The following DMD variants were observed in gnomAD, a reference collection of about 807,000 sequenced individuals.
DMD encodes the protein mutant dystrophin.
A neutral mutation model predicts 330.1 loss-of-function variants in DMD; 63 were observed. The ratio of observed to expected loss-of-function variants is 0.19; its 90% CI spans 0.16 to 0.24. The LOEUF (loss-of-function observed/expected upper bound fraction) is 0.24, where lower values mean the gene tolerates loss of function less well. Among genes scored for constraint, DMD ranks in the 10% least tolerant of loss-of-function variants. DMD has a pLI of 1.00. For missense variants in DMD, 3,344 were observed against 2,684.1 expected (o/e 1.25, Z -5.43); for synonymous variants, 1,223 against 959.8 (o/e 1.27, Z -5.07).
At chrX:32,682,660 T>C (rs1445894572) in intron 9 of DMD, among the ~76,000 whole-genome samples, 2 of 112,212 alleles carry the variant, frequency 1.8e-5, no homozygotes, top group African/African-American at 6.5e-5. Flanking sequence ...ATTTTGTCCT[T>C]AGATGTTTCT....
chrX:32,083,192 T>C (rs773204221), intron 44 of DMD, among the ~76,000 whole-genome samples: 1 of 112,240 alleles, frequency 8.9e-6, no homozygotes, highest in South Asian at 3.7e-4. Context: ...ACATAGTCCA[T>C]GGAGGCTTCC....
chrX:33,058,478 T>TTA lies in DMD; in HGVS notation c.32-38279_32-38278insTA, dbSNP rs1178346119. ...TTTGATTATTATTATTTTATTTTTT[T>TTA]TTTTTGTAGAGATGAGGTCAAACTA... On this transcript the variant is annotated intron_variant, in intron 1 of 78. Transcript: ENST00000357033. 3.0e-3 allele frequency among the ~76,000 whole-genome samples: 323 copies of TTA among 108,790 alleles called. 2 individuals carry two copies. The highest frequency in any genetic ancestry group is 7.2e-3 in the African/African-American group (217 of 29,935). 94.5% of individuals were successfully genotyped at this position (108,790 alleles called of 115,157 possible).
At chrX:31,747,727 T>C (rs1457628804) in intron 51 of DMD, among the ~76,000 whole-genome samples, 1 of 112,137 alleles carries the variant, frequency 8.9e-6, no homozygotes, top group African/African-American at 3.2e-5. Context: ...CTTCTAGTTC[T>C]GCTCCAAGAA....
intron 51 of DMD, among the ~76,000 whole-genome samples, chrX:31,760,588 G>A (rs1029795467): frequency 2.7e-5 from 3 of 111,768 alleles, no homozygotes; most frequent in African/African-American, 9.8e-5. Context: ...CAACCTAGAT[G>A]TATAGTAGGA....
At chrX:32,844,755 T>C in intron 4 of DMD, 28 bp downstream of exon 4, 3 of 1,175,848 alleles carry the variant, frequency 2.6e-6, no homozygotes, top group South Asian at 1.8e-5. Flanking sequence ...TGTCACAGCA[T>C]CCAGACCTTG....
At chrX:31,335,514 G>A (rs1046387951) in intron 61 of DMD, among the ~76,000 whole-genome samples, 5 of 111,942 alleles carry the variant, frequency 4.5e-5, no homozygotes, top group East Asian at 2.8e-4. Context: ...ACCATCTTAC[G>A]TTCTAACTCT....
At chrX:31,538,161 A>G (rs2073552605) in intron 55 of DMD, among the ~76,000 whole-genome samples, 1 of 111,942 alleles carries the variant, frequency 8.9e-6, no homozygotes, top group Admixed American at 9.5e-5. Context: ...AAGATATATC[A>G]CAGCTAACGG....
At chrX:32,120,224 A>G (rs1603626283) in intron 44 of DMD, among the ~76,000 whole-genome samples, 1 of 112,020 alleles carries the variant, frequency 8.9e-6, no homozygotes, top group African/African-American at 3.2e-5. Flanking sequence ...TGTCCATGTT[A>G]TATGGTTTCT....
intron 19 of DMD, among the ~76,000 whole-genome samples, chrX:32,494,219 G>T (rs1385583473): frequency 2.7e-5 from 3 of 111,389 alleles, no homozygotes; most frequent in Non-Finnish European, 5.6e-5. Context: ...CCCAAAAAAT[G>T]TTGCAATATA....
intron 55 of DMD, among the ~76,000 whole-genome samples, chrX:31,562,244 T>C (rs898214794): frequency 8.9e-6 from 1 of 111,994 alleles, no homozygotes; most frequent in African/African-American, 3.2e-5. Context: ...TTTCTACTTT[T>C]TGACCATCAT....
At position 33,292,190 on chromosome X, in the gene DMD, T is replaced by C. The variant is rs189223133; in HGVS notation, c.7+47069A>G. On this transcript the variant is annotated intron_variant, in intron 1 of 17. Coordinates refer to the DMD transcript ENST00000288447. ...AGAGTTAGGACTCATTTTGGAATCA[T>C]TTTTTTATACAGCTCAAAGTCAGTT... 2.6e-3 allele frequency among the ~76,000 whole-genome samples: 291 copies of C among 111,348 alleles called. 1 individual carries two copies. The highest frequency in any genetic ancestry group is 9.2e-3 in the African/African-American group (282 of 30,748).
intron 11 of DMD, among the ~76,000 whole-genome samples, chrX:32,631,884 C>A (rs2058754811): frequency 9.0e-6 from 1 of 111,265 alleles, no homozygotes; most frequent in South Asian, 3.9e-4. Context: ...GAACATACAT[C>A]CAAACCATAC....
intron 74 of DMD, among the ~76,000 whole-genome samples, chrX:31,163,213 C>T (rs942481400): frequency 9.0e-6 from 1 of 111,517 alleles, no homozygotes. Flanking sequence ...ATGGGAGGAA[C>T]CCAGTGGGAG....
chrX:31,358,256 A>C (rs1214580498), intron 60 of DMD, among the ~76,000 whole-genome samples: 1 of 111,753 alleles, frequency 8.9e-6, no homozygotes, highest in Non-Finnish European at 1.9e-5. Flanking sequence ...GTGGCTTTAC[A>C]TAGTGCAGAA....
intron 60 of DMD, among the ~76,000 whole-genome samples, chrX:31,355,527 A>G (rs1221819650): frequency 8.9e-6 from 1 of 112,405 alleles, no homozygotes; most frequent in Non-Finnish European, 1.9e-5. Flanking sequence ...CAAAAACAAA[A>G]GCAAAAGACA....
At chrX:31,683,290 A>G (rs1164205739) in intron 52 of DMD, among the ~76,000 whole-genome samples, 1 of 112,275 alleles carries the variant, frequency 8.9e-6, no homozygotes. Context: ...AGCCATTATG[A>G]TAAGAACTTG....
chrX:33,057,759 G>A (rs1430750513), intron 1 of DMD, among the ~76,000 whole-genome samples: 2 of 112,292 alleles, frequency 1.8e-5, no homozygotes, highest in Admixed American at 1.9e-4. Context: ...GAATCACACA[G>A]TAAATGTTCA....
intron 48 of DMD, among the ~76,000 whole-genome samples, chrX:31,841,121 A>G (rs1428688726): frequency 8.9e-6 from 1 of 112,079 alleles, no homozygotes; most frequent in Non-Finnish European, 1.9e-5. Context: ...GTGCCAGTCT[A>G]GTGAACATGC....
intron 42 of DMD, among the ~76,000 whole-genome samples, chrX:32,295,771 T>A (rs4829251): frequency 0.12 from 13,635 of 111,589 alleles, 853 homozygotes; most frequent in Admixed American, 0.25. Context: ...CTCCATTCTT[T>A]ATCATAAGGG....
Sources: gnomAD v4.1 joint callset for allele counts (sites outside exome capture counted in the v4.1 genomes callset) on GRCh38, gnomAD v4.1.1 for gene constraint, MANE v1.5 for transcripts, NCBI Gene and HGNC (gene_info 2026-07-23, HGNC 2026-07-21) for gene names.